COG6: variants seen among roughly 807,000 people sequenced by gnomAD.
COG6 encodes the protein conserved oligomeric Golgi complex subunit 6.
In COG6, 74 loss-of-function variants were observed where a neutral mutation model predicts 88.8. The observed-to-expected ratio is 0.83, with a 90% CI of 0.69 to 1.01. COG6 has a LOEUF of 1.01. Ranked by LOEUF, COG6 falls within the 50% of genes least tolerant of loss-of-function variation. COG6 has a pLI of 0.00. For synonymous variants in COG6, 286 were observed against 278.7 expected (o/e 1.03, Z -0.26); for missense variants, 800 against 797.9 (o/e 1.00, Z -0.03).
chr13:39,677,365 T>C (rs1254325062), intron 4 of COG6, 103 bp from the exon 5 acceptor site: 5 of 724,438 alleles, frequency 6.9e-6, no homozygotes, highest in Non-Finnish European at 1.2e-5. Context: ...GAACTTTTCA[T>C]ACCTTTGTTT....
At chr13:39,790,788 T>G (rs1276494381) in exon 19 of COG6, 1 of 152,096 alleles carries the variant, frequency 6.6e-6, no homozygotes, top group Admixed American at 6.6e-5. Context: ...TTTTAACGTT[T>G]TTATATTAGG....
chr13:39,725,362 A>G (rs1249638245), intron 17 of COG6, among the ~76,000 whole-genome samples: 1 of 151,908 alleles, frequency 6.6e-6, no homozygotes. Context: ...TAACTACTGT[A>G]CTAAACTAGT....
intron 17 of COG6, among the ~76,000 whole-genome samples, chr13:39,725,400 A>G (rs936478898): frequency 1.3e-5 from 2 of 151,918 alleles, no homozygotes; most frequent in South Asian, 2.1e-4. Flanking sequence ...ATACTCACGT[A>G]TACTCACTAC....
intron 18 of COG6, among the ~76,000 whole-genome samples, chr13:39,773,903 TACTG>T (rs1302436832): frequency 6.8e-6 from 1 of 147,562 alleles, no homozygotes; most frequent in Non-Finnish European, 1.5e-5. Flanking sequence ...CATGTCTAAA[TACTG>T]ACCAAAATAA....
At chr13:39,719,478 T>A in intron 14 of COG6, 111 bp downstream of exon 14, 1 of 1,224,718 alleles carries the variant, frequency 8.2e-7, no homozygotes, top group Non-Finnish European at 1.2e-6. Context: ...TTCTTACTGT[T>A]AATTTTCCAT....
chr13:39,721,376 A>G (rs1481782270), intron 15 of COG6, among the ~76,000 whole-genome samples: 6 of 152,080 alleles, frequency 3.9e-5, no homozygotes, highest in African/African-American at 1.2e-4. Context: ...TTCTCCAGAA[A>G]TCTCTTGAGC....
intron 13 of COG6, among the ~76,000 whole-genome samples, chr13:39,708,252 G>A (rs1384294807): frequency 1.3e-5 from 2 of 152,096 alleles, no homozygotes; most frequent in Non-Finnish European, 2.9e-5. Flanking sequence ...TGACTTATAA[G>A]AGTTTTCAAA....
At chr13:39,708,315 C>T (rs1358817955) in intron 13 of COG6, among the ~76,000 whole-genome samples, 1 of 152,146 alleles carries the variant, frequency 6.6e-6, no homozygotes, top group East Asian at 1.9e-4. Flanking sequence ...CAGATATTTT[C>T]TATCACTTTT....
intron 13 of COG6, among the ~76,000 whole-genome samples, chr13:39,713,238 A>G (rs1237160322): frequency 6.6e-6 from 1 of 152,218 alleles, no homozygotes; most frequent in Non-Finnish European, 1.5e-5. Context: ...ATTGTTTTAC[A>G]TGAAGTTCAT....
In COG6 at chr13:39,786,824, C is replaced by T. The variant is rs377721018; in HGVS notation, c.1827-1511C>T. ...TTACTTGTTGGTTGACTGATTGATT[C>T]GTGTAAGCCCCCTCAGATTCTAGCA... On this transcript the variant is annotated intron_variant, in intron 18 of 18. Coordinates refer to the COG6 transcript ENST00000416691. Among the ~76,000 whole-genome samples the T allele has an allele frequency of 9.2e-5, 14 of 152,056 alleles. 1 individual carries two copies. The East Asian group carries it at 1.5e-3, about 17-fold the overall frequency.
intron 18 of COG6, among the ~76,000 whole-genome samples, chr13:39,767,787 A>G (rs1317569377): frequency 6.6e-6 from 1 of 152,222 alleles, no homozygotes; most frequent in African/African-American, 2.4e-5. Flanking sequence ...TCTGCCACGA[A>G]GGCAACTAGA....
chr13:39,732,416 A>G (rs1879505244), intron 18 of COG6, among the ~76,000 whole-genome samples: 1 of 152,252 alleles, frequency 6.6e-6, no homozygotes, highest in African/African-American at 2.4e-5. Context: ...GCAGGAAAAT[A>G]TGAGCCAAAC....
intron 4 of COG6, among the ~76,000 whole-genome samples, chr13:39,675,128 C>A (rs1470479910): frequency 6.6e-6 from 1 of 152,032 alleles, no homozygotes; most frequent in Non-Finnish European, 1.5e-5. Context: ...ATTGCACAAA[C>A]ATAATCTTAA....
intron 18 of COG6, among the ~76,000 whole-genome samples, chr13:39,738,416 T>C (rs929094197): frequency 6.6e-6 from 1 of 152,150 alleles, no homozygotes; most frequent in African/African-American, 2.4e-5. Context: ...AATAAAGTTA[T>C]TTAGCATACC....
chr13:39,699,416 A>G (rs989658730), intron 12 of COG6, 85 bp from the exon 13 acceptor site: 13 of 694,712 alleles, frequency 1.9e-5, no homozygotes, highest in Middle Eastern at 6.7e-4. Context: ...ATTTAAATCT[A>G]GATCCTTTTA....
At chr13:39,743,888 C>G (rs1302488888) in intron 18 of COG6, among the ~76,000 whole-genome samples, 3 of 152,066 alleles carry the variant, frequency 2.0e-5, no homozygotes, top group Non-Finnish European at 2.9e-5. Context: ...AGCAGCACAT[C>G]AAAAAACTTA....
intron 18 of COG6, among the ~76,000 whole-genome samples, chr13:39,738,800 G>T (rs139688425): frequency 6.6e-6 from 1 of 151,980 alleles, no homozygotes; most frequent in South Asian, 2.1e-4. Context: ...GAGATAAAAC[G>T]TGACATTTTA....
chr13:39,735,371 C>T (rs1426485812), intron 18 of COG6, among the ~76,000 whole-genome samples: 1 of 151,822 alleles, frequency 6.6e-6, no homozygotes, highest in Admixed American at 6.6e-5. Context: ...ACAAACAAGC[C>T]AAGAGAAAAC....
Position 39,723,384 on chromosome 13 carries a change from A to G in COG6, c.1636A>G (p.Thr546Ala). 2 of 1,612,038 alleles carry G rather than the reference A, an allele frequency of 1.2e-6. No homozygotes were observed. Among genetic ancestry groups the G allele is most frequent in the Admixed American group, 1.7e-5 (1 of 59,902 alleles). The change falls in exon 16 of 19, where the codon ACT (threonine) becomes GCT (alanine). Residue 546 changes from threonine to alanine, a missense_variant. Coordinates refer to ENST00000455146, the MANE Select transcript of COG6 (RefSeq NM_020751.3). ...LINEQASYVL[T>A]RVGLSYIYNT... Reference sequence around the variant, plus strand: ...AAATGAGCAAGCCTCTTATGTTTTAACTAGGGTAGGCTTGAGTTACATCTA... The same window carrying G: ...AAATGAGCAAGCCTCTTATGTTTTAGCTAGGGTAGGCTTGAGTTACATCTA...
Sources: allele counts gnomAD v4.1 joint callset (sites outside exome capture counted in the v4.1 genomes callset), GRCh38; gene constraint gnomAD v4.1.1; transcripts MANE v1.5; gene names NCBI Gene and HGNC (gene_info 2026-07-23, HGNC 2026-07-21).